CLNK: variants seen among roughly 807,000 people sequenced by gnomAD.
CLNK encodes cytokine dependent hematopoietic cell linker, also known as cytokine-dependent hematopoietic cell linker.
Under a neutral mutation model 68.6 loss-of-function variants are expected in CLNK, and 74 were observed. That is an observed-to-expected ratio of 1.08 (90% confidence interval 0.89 to 1.31). CLNK has a LOEUF of 1.31. CLNK is among the 50% of genes most tolerant of loss of function. The pLI is 0.00. For missense variants in CLNK, 553 were observed against 515.3 expected (o/e 1.07, Z -0.71); for synonymous variants, 198 against 172.2 (o/e 1.15, Z -1.17).
chr4:10,581,512 C>T (rs1720779365), intron 4 of CLNK, among the ~76,000 whole-genome samples: 1 of 152,190 alleles, frequency 6.6e-6, no homozygotes, highest in Admixed American at 6.5e-5. Context: ...ACACAGGAAA[C>T]ACTTAACAGG....
the CLNK span, among the ~76,000 whole-genome samples, chr4:10,733,076 GC>G: frequency 1.3e-5 from 2 of 152,030 alleles, no homozygotes; most frequent in African/African-American, 4.8e-5. Context: ...GCAATTCCAA[GC>G]CCCCCTTTCG....
rs543501206 is a variant in CLNK at position 10,518,817 on chromosome 4, G to A, written c.772+1974C>T. ...GTAAATTTCACTCTGCTGCATGAATGCCCATACCTGATGCATTAGAGAGCT... is the reference window on the plus strand; with the variant it reads ...GTAAATTTCACTCTGCTGCATGAATACCCATACCTGATGCATTAGAGAGCT... On this transcript the variant is annotated intron_variant, in intron 15 of 18. Transcript: ENST00000226951. Among the ~76,000 whole-genome samples, 56 of 152,186 alleles carry A rather than the reference G, an allele frequency of 3.7e-4. 1 individual carries two copies. The highest frequency in any genetic ancestry group is 6.5e-4 in the Non-Finnish European group (44 of 68,040).
At chr4:10,718,260 TA>T in the CLNK span, among the ~76,000 whole-genome samples, 2 of 151,942 alleles carry the variant, frequency 1.3e-5, no homozygotes, top group Non-Finnish European at 2.9e-5. Context: ...CTCAGAGAAA[TA>T]AATACTGACA....
intron 3 of CLNK, among the ~76,000 whole-genome samples, chr4:10,593,888 T>G (rs922490698): frequency 1.3e-5 from 2 of 152,158 alleles, no homozygotes; most frequent in Admixed American, 6.5e-5. Context: ...CTAGCATCGC[T>G]GTCAAGAGTA....
intron 1 of CLNK, among the ~76,000 whole-genome samples, chr4:10,670,029 G>T (rs145262242): frequency 6.6e-6 from 1 of 152,154 alleles, no homozygotes; most frequent in African/African-American, 2.4e-5. Flanking sequence ...TTAACTAGCC[G>T]TGTGGCCTTG....
intron 4 of CLNK, among the ~76,000 whole-genome samples, chr4:10,574,557 G>T (rs996543362): frequency 2.6e-5 from 4 of 151,954 alleles, no homozygotes; most frequent in African/African-American, 4.8e-5. Flanking sequence ...CTCTGCCCCC[G>T]CCCTTTCCCT....
intron 17 of CLNK, 114 bp from the exon 18 acceptor site, chr4:10,501,525 G>T: frequency 9.5e-7 from 1 of 1,057,242 alleles, no homozygotes; most frequent in Non-Finnish European, 1.4e-6. Context: ...TTAGTTTTTG[G>T]TAAACCACTT....
chr4:10,537,621 CTTTCTTTCTTTCTTTCTCTTTCTTTCTT>C (rs1333855015), intron 11 of CLNK, among the ~76,000 whole-genome samples: 2 of 144,198 alleles, frequency 1.4e-5, no homozygotes, highest in Admixed American at 7.4e-5. Context: ...TTCTCTCTCT[CTTTCTTTCTTTCTTTCTCTTTCTTTCTT>C]TCTTTCTTTC....
intron 2 of CLNK, among the ~76,000 whole-genome samples, chr4:10,607,973 T>C (rs1721850830): frequency 6.6e-6 from 1 of 152,184 alleles, no homozygotes; most frequent in Admixed American, 6.5e-5. Flanking sequence ...ACTGTACCTG[T>C]GTTAAACAGA....
chr4:10,611,307 G>T (rs369383452), intron 2 of CLNK, among the ~76,000 whole-genome samples: 1 of 152,106 alleles, frequency 6.6e-6, no homozygotes, highest in African/African-American at 2.4e-5. Flanking sequence ...ACAGAGCAAG[G>T]CTCCGTCTCA....
intron 2 of CLNK, among the ~76,000 whole-genome samples, chr4:10,638,048 C>A (rs575251131): frequency 1.3e-5 from 2 of 152,308 alleles, no homozygotes; most frequent in East Asian, 3.9e-4. Context: ...GCTCCCCCTG[C>A]AAGCCAGTGG....
chr4:10,537,758 T>C (rs1395013447), intron 11 of CLNK, among the ~76,000 whole-genome samples: 4 of 145,746 alleles, frequency 2.7e-5, no homozygotes, highest in African/African-American at 1.0e-4. Context: ...TCTTTCTTTC[T>C]TTCTCTCTCT....
chr4:10,519,103 C>T (rs1356802696), intron 15 of CLNK, among the ~76,000 whole-genome samples: 1 of 152,138 alleles, frequency 6.6e-6, no homozygotes, highest in African/African-American at 2.4e-5. Flanking sequence ...AAAACAGGAA[C>T]TAATGAAGCC....
intron 5 of CLNK, among the ~76,000 whole-genome samples, chr4:10,567,879 G>C (rs1278868293): frequency 2.0e-5 from 3 of 152,150 alleles, no homozygotes; most frequent in Non-Finnish European, 4.4e-5. Flanking sequence ...TGAGATGTCA[G>C]CCATACAACA....
chr4:10,597,943 C>A (rs1027151222), intron 3 of CLNK, 35 bp downstream of exon 3: 1 of 1,403,918 alleles, frequency 7.1e-7, no homozygotes, highest in African/African-American at 1.4e-5. Context: ...TTAAAATTTT[C>A]ACTCCTCTAT....
chr4:10,631,570 G>GTCTAGATTAACTGCCTATCCAC (rs1416584343), intron 2 of CLNK, among the ~76,000 whole-genome samples: 63 of 152,204 alleles, frequency 4.1e-4, no homozygotes, highest in Non-Finnish European at 8.1e-4. Context: ...ACATGTATAT[G>GTCTAGATTAACTGCCTATCCAC]CAATGGTCAG....
At chr4:10,574,545 A>G (rs1413695742) in intron 4 of CLNK, among the ~76,000 whole-genome samples, 3 of 151,620 alleles carry the variant, frequency 2.0e-5, no homozygotes, top group African/African-American at 7.3e-5. Flanking sequence ...GCCGGAAACC[A>G]CCTCTGCCCC....
chr4:10,559,409 A>G lies in CLNK; in HGVS notation c.400-957T>C, dbSNP rs540698187. 3.3e-5 allele frequency among the ~76,000 whole-genome samples: 5 copies of G among 152,044 alleles called. No homozygotes were observed. In the South Asian group the frequency reaches 1.0e-3, roughly 32 times the overall value. On this transcript the variant is annotated intron_variant, in intron 7 of 18. Transcript: ENST00000226951. ...TGGATTATTTTTTTTTATCGTGGCT[A>G]TTGACTTCTTCATTACACCATCAGC...
At chr4:10,537,625 CTTTCTTTCTTTCTCTT>C (rs1718817489) in intron 11 of CLNK, among the ~76,000 whole-genome samples, 1 of 139,902 alleles carries the variant, frequency 7.1e-6, no homozygotes, top group African/African-American at 2.7e-5. Context: ...CTCTCTCTTT[CTTTCTTTCTTTCTCTT>C]TCTTTCTTTC....
Sources: gnomAD v4.1 joint callset for allele counts (sites outside exome capture counted in the v4.1 genomes callset) on GRCh38, gnomAD v4.1.1 for gene constraint, MANE v1.5 for transcripts, NCBI Gene and HGNC (gene_info 2026-07-23, HGNC 2026-07-21) for gene names.